POLDIP3: variants seen among roughly 807,000 people sequenced by gnomAD.
The protein encoded by POLDIP3 is DNA polymerase delta interacting protein 3.
In POLDIP3, 14 loss-of-function variants were observed where a neutral mutation model predicts 45.1. That is an observed-to-expected ratio of 0.31 (90% confidence interval 0.20 to 0.49). The LOEUF (loss-of-function observed/expected upper bound fraction) is 0.49. POLDIP3 is among the 20% of genes least tolerant of loss of function. The probability of loss-of-function intolerance (pLI) is 0.99; values close to 1 mark genes in which losing one functional copy is unlikely to be tolerated. For missense variants in POLDIP3, 511 were observed against 538.8 expected, an observed-to-expected ratio of 0.95 and a Z score of 0.51; for synonymous variants, 223 against 205.2, an observed-to-expected ratio of 1.09 and a Z score of -0.74.
At chr22:42,611,699 AC>A (rs1927129276) in intron 1 of POLDIP3, among the ~76,000 whole-genome samples, 1 of 152,068 alleles carries the variant, frequency 6.6e-6, no homozygotes. Flanking sequence ...ACATGGTGAA[AC>A]CCCACCTCTA....
chr22:42,604,873 T>C (rs1926621315), intron 1 of POLDIP3, among the ~76,000 whole-genome samples: 1 of 152,156 alleles, frequency 6.6e-6, no homozygotes, highest in African/African-American at 2.4e-5. Flanking sequence ...TAATCTGCAA[T>C]GTGATGGTGG....
chr22:42,611,056 G>A (rs1927088522), intron 1 of POLDIP3, among the ~76,000 whole-genome samples: 1 of 152,224 alleles, frequency 6.6e-6, no homozygotes, highest in Admixed American at 6.5e-5. Context: ...CACCATGGAG[G>A]AAGGTATCAC....
rs1237290847 is a variant in POLDIP3 at position 42,601,997 on chromosome 22, A to C, written c.510T>G (p.Asn170Lys). The change falls in exon 3 of 9, where the codon AAT becomes AAG. Residue 170 changes from asparagine to lysine, a missense_variant. Transcript: ENST00000252115. ...LHPHPAGMRI[N>K]VVNNHQAKQN... ...GTTTGGCCTGGTGGTTATTGACAACATTGATTCTCATTCCGGCAGGATGGG... is the reference window on the plus strand; with the variant it reads ...GTTTGGCCTGGTGGTTATTGACAACCTTGATTCTCATTCCGGCAGGATGGG... 6.2e-7 allele frequency: 1 copy of C among 1,614,098 alleles called. No individual in the cohort carries two copies. The highest frequency in any genetic ancestry group is 1.3e-5 in the African/African-American group (1 of 75,018).
chr22:42,602,709 G>C, intron 2 of POLDIP3, 61 bp downstream of exon 2: 2 of 1,522,918 alleles, frequency 1.3e-6, no homozygotes, highest in African/African-American at 1.4e-5. Context: ...CTGGCACCTT[G>C]CCTCTAAATC....
rs568313963 is a variant in POLDIP3 at position 42,610,979 on chromosome 22, G to A, written c.59+3820C>T. Among the ~76,000 whole-genome samples, 116 of 152,302 alleles carry A rather than the reference G, an allele frequency of 7.6e-4. 1 individual carries two copies. The highest frequency in any genetic ancestry group is 1.3e-3 in the Admixed American group (20 of 15,298). ...CTGGTACCTAATGCTATCCTGAGGAGACTCTCTACGGATCTTTCACAACTA... is the reference window on the plus strand; with the variant it reads ...CTGGTACCTAATGCTATCCTGAGGAAACTCTCTACGGATCTTTCACAACTA... On this transcript the variant is annotated intron_variant, in intron 1 of 8. Transcript: ENST00000252115.
In POLDIP3 at chr22:42,584,800, A is replaced by G; in HGVS notation, c.*991T>C. Reference sequence around the variant, plus strand: ...CAGTGCCCCTTGGTGGCAGCTGGATATATGCCTCCAGGCATCCCTGACCAC... The same window carrying G: ...CAGTGCCCCTTGGTGGCAGCTGGATGTATGCCTCCAGGCATCCCTGACCAC... On this transcript the variant is annotated 3_prime_UTR_variant, in exon 9 of 9. Coordinates refer to ENST00000252115, the MANE Select transcript of POLDIP3 (RefSeq NM_032311.5). 2.4e-6 allele frequency: 1 copy of G among 422,226 alleles called. No homozygotes were observed. Among genetic ancestry groups the G allele is most frequent in the Non-Finnish European group, 4.7e-6 (1 of 212,450 alleles). 26.2% of individuals were successfully genotyped at this position (422,226 alleles called of 1,614,324 possible).
At chr22:42,591,924 G>A (rs750321332) in intron 7 of POLDIP3, 31 bp downstream of exon 7, 11 of 1,613,338 alleles carry the variant, frequency 6.8e-6, no homozygotes, top group East Asian at 2.2e-5. Context: ...ATGAGTGGGA[G>A]GGTCAGGGGA....
intron 8 of POLDIP3, among the ~76,000 whole-genome samples, chr22:42,587,211 T>G (rs76940643): frequency 6.6e-6 from 1 of 152,166 alleles, no homozygotes; most frequent in African/African-American, 2.4e-5. Context: ...CCCGGGATGA[T>G]GCACACAGCT....
rs1446002046 is a variant in POLDIP3 at position 42,600,390 on chromosome 22, G to T, written c.538-597C>A. The stretch of plus-strand genomic sequence containing the variant: ...GCCTGTCATCCCAGCACTTTGGGAG[G>T]CCGAGGAGGGCGGATCACGAGGTCA... On this transcript the variant is annotated intron_variant, in intron 3 of 8. Transcript: ENST00000252115. Among the ~76,000 whole-genome samples, 5 of 152,278 alleles carry T rather than the reference G, an allele frequency of 3.3e-5. No homozygotes were observed. The East Asian group carries it at 9.6e-4, about 29-fold the overall frequency.
intron 4 of POLDIP3, chr22:42,597,779 TC>T (rs1395404399): frequency 4.8e-6 from 2 of 414,508 alleles, no homozygotes; most frequent in Non-Finnish European, 4.7e-6. Flanking sequence ...CTTCACGACC[TC>T]TTTTTTTTTT....
intron 6 of POLDIP3, among the ~76,000 whole-genome samples, chr22:42,594,311 G>A (rs144129612): frequency 0.01 from 1,533 of 152,018 alleles, 17 homozygotes; most frequent in Middle Eastern, 0.02. Context: ...ACGAGTTCGA[G>A]ACCAGCCTGG....
intron 1 of POLDIP3, among the ~76,000 whole-genome samples, chr22:42,610,779 G>A (rs892157491): frequency 6.6e-6 from 1 of 152,176 alleles, no homozygotes; most frequent in Admixed American, 6.5e-5. Context: ...GATGGCATAT[G>A]CCTGTGGTCC....
chr22:42,592,394 G>A (rs1261530034), intron 6 of POLDIP3, among the ~76,000 whole-genome samples: 5 of 152,214 alleles, frequency 3.3e-5, no homozygotes, highest in African/African-American at 9.6e-5. Context: ...GAAAATTTTC[G>A]CAAAGAGCCC....
chr22:42,595,463 G>A (rs1356921546), intron 6 of POLDIP3, 74 bp downstream of exon 6: 2 of 1,356,670 alleles, frequency 1.5e-6, no homozygotes, highest in Non-Finnish European at 2.1e-6. Context: ...CATCAAACCT[G>A]AGGGTGGGTC....
chr22:42,609,807 A>G (rs1249761033), intron 1 of POLDIP3, among the ~76,000 whole-genome samples: 1 of 152,202 alleles, frequency 6.6e-6, no homozygotes, highest in Non-Finnish European at 1.5e-5. Flanking sequence ...AAAACAGCTT[A>G]ATTCTAACTA....
intron 7 of POLDIP3, 25 bp from the exon 8 acceptor site, chr22:42,587,597 G>A: frequency 2.5e-6 from 4 of 1,602,032 alleles, no homozygotes; most frequent in Non-Finnish European, 3.4e-6. Context: ...AAAGAAAAAG[G>A]CTCTGCTATG....
At chr22:42,587,713 T>C (rs1321557639) in intron 7 of POLDIP3, 141 bp from the exon 8 acceptor site, 2 of 776,136 alleles carry the variant, frequency 2.6e-6, no homozygotes, top group Admixed American at 2.4e-5. Context: ...ATGGGGCTGC[T>C]AGGTTCCAGT....
intron 7 of POLDIP3, among the ~76,000 whole-genome samples, chr22:42,590,346 G>A (rs905643925): frequency 9.9e-5 from 15 of 151,912 alleles, no homozygotes; most frequent in African/African-American, 2.9e-4. Flanking sequence ...ACGCCACCAC[G>A]CGCCCAGCTA....
At chr22:42,601,850 C>T in intron 3 of POLDIP3, 120 bp downstream of exon 3, 2 of 1,235,698 alleles carry the variant, frequency 1.6e-6, no homozygotes, top group Non-Finnish European at 2.2e-6. Context: ...CAACTGGGAA[C>T]TACCAACTGA....
Sources: gnomAD v4.1 joint callset for allele counts (sites outside exome capture counted in the v4.1 genomes callset) on GRCh38, gnomAD v4.1.1 for gene constraint, MANE v1.5 for transcripts, NCBI Gene and HGNC (gene_info 2026-07-23, HGNC 2026-07-21) for gene names.